Variants in CSMD1 observed in about 807,000 individuals in gnomAD.
The protein encoded by CSMD1 is CUB and sushi domain-containing protein 1.
In CSMD1, 213 loss-of-function variants were observed where a neutral mutation model predicts 417.5. That is an observed-to-expected ratio of 0.51 (90% CI 0.46 to 0.57). The LOEUF (loss-of-function observed/expected upper bound fraction) is 0.57. Ranked by LOEUF, CSMD1 falls within the 20% of genes least tolerant of loss-of-function variation. The probability of loss-of-function intolerance (pLI) is 0.00; values close to 1 mark genes in which losing one functional copy is unlikely to be tolerated. For missense variants in CSMD1, 6,923 were observed against 4,529.7 expected (o/e 1.53, Z -15.17); for synonymous variants, 2,862 against 1,736.8 (o/e 1.65, Z -16.11).
chr8:4,453,883 G>A (rs999093061), intron 2 of CSMD1, among the ~76,000 whole-genome samples: 11 of 136,286 alleles, frequency 8.1e-5, no homozygotes, highest in East Asian at 2.3e-4. Context: ...GTGCACTGGC[G>A]CGACCTCGGC....
At chr8:3,345,288 C>A (rs920935129) in intron 22 of CSMD1, among the ~76,000 whole-genome samples, 3 of 152,082 alleles carry the variant, frequency 2.0e-5, no homozygotes, top group African/African-American at 7.2e-5. Context: ...ATGGTTACAA[C>A]CACTAAAAAT....
At chr8:4,453,880 G>C (rs903469184) in intron 2 of CSMD1, among the ~76,000 whole-genome samples, 1 of 126,870 alleles carries the variant, frequency 7.9e-6, no homozygotes, top group African/African-American at 3.0e-5. Flanking sequence ...GGAGTGCACT[G>C]GCGCGACCTC....
chr8:3,491,028 A>C (rs1286066662), intron 11 of CSMD1, among the ~76,000 whole-genome samples: 2 of 152,212 alleles, frequency 1.3e-5, no homozygotes, highest in African/African-American at 4.8e-5. Flanking sequence ...ATGCCTCTTC[A>C]TCCCCAAATT....
At chr8:3,983,769 G>A (rs1350300786) in intron 5 of CSMD1, among the ~76,000 whole-genome samples, 1 of 152,168 alleles carries the variant, frequency 6.6e-6, no homozygotes, top group Non-Finnish European at 1.5e-5. Context: ...GCTGTCAACT[G>A]CACCTCTAGA....
At chr8:4,186,718 C>T (rs1452433023) in intron 3 of CSMD1, among the ~76,000 whole-genome samples, 4 of 151,766 alleles carry the variant, frequency 2.6e-5, no homozygotes, top group Admixed American at 6.6e-5. Context: ...GGCGTACGGT[C>T]GCTCACACCT....
At chr8:3,860,685 A>G (rs989993405) in intron 5 of CSMD1, among the ~76,000 whole-genome samples, 2 of 152,220 alleles carry the variant, frequency 1.3e-5, no homozygotes, top group African/African-American at 4.8e-5. Context: ...TCTTAAGACC[A>G]CAGAACTTTG....
intron 3 of CSMD1, among the ~76,000 whole-genome samples, chr8:4,071,307 T>C (rs1286289261): frequency 6.6e-6 from 1 of 152,184 alleles, no homozygotes; most frequent in Non-Finnish European, 1.5e-5. Context: ...TATATTCTAC[T>C]GATTAGATAA....
In CSMD1 at chr8:3,363,343, C is replaced by T. The variant is rs118025166; in HGVS notation, c.3115+3689G>A. Among the ~76,000 whole-genome samples, 1,065 of 152,200 alleles carry T rather than the reference C, an allele frequency of 7.0e-3. 7 individuals carry two copies. The highest frequency in any genetic ancestry group is 0.026 in the South Asian group (127 of 4,820). ...TTGAAGGAGACAAATACAGAAAAGT[C>T]ATTATGGGAAAGGAATAATTTTGGT... On this transcript the variant is annotated intron_variant, in intron 20 of 69. Transcript: ENST00000635120.
chr8:3,468,412 T>C (rs111799348), intron 12 of CSMD1, among the ~76,000 whole-genome samples: 2,768 of 152,278 alleles, frequency 0.018, 97 homozygotes, highest in African/African-American at 0.062. Flanking sequence ...CCAGCCAATA[T>C]GATATGGTCA....
At chr8:3,283,276 C>G in intron 26 of CSMD1, among the ~76,000 whole-genome samples, 1 of 152,058 alleles carries the variant, frequency 6.6e-6, no homozygotes. Context: ...AGAGAGACTT[C>G]ATTACATAAA....
intron 5 of CSMD1, among the ~76,000 whole-genome samples, chr8:3,810,618 C>A (rs921771295): frequency 6.6e-6 from 1 of 152,066 alleles, no homozygotes; most frequent in Non-Finnish European, 1.5e-5. Flanking sequence ...ACTGGTGACT[C>A]ATTATTGGGG....
rs187754571 is a variant in CSMD1 at position 4,718,752 on chromosome 8, A to C, written c.86-81194T>G. On this transcript the variant is annotated intron_variant, in intron 1 of 69. Transcript: ENST00000635120. The stretch of plus-strand genomic sequence containing the variant: ...TTTCTATTAAAAAACAACCAATTTT[A>C]TAAAAGAAAATACTCTTTTTAAAGC... Among the ~76,000 whole-genome samples, 602 of 152,200 alleles carry C rather than the reference A, an allele frequency of 4.0e-3. 2 individuals carry two copies. Among genetic ancestry groups the C allele is most frequent in the African/African-American group, 0.014 (586 of 41,578 alleles).
intron 11 of CSMD1, among the ~76,000 whole-genome samples, chr8:3,470,112 T>C (rs1055758805): frequency 6.6e-6 from 1 of 152,194 alleles, no homozygotes; most frequent in African/African-American, 2.4e-5. Flanking sequence ...AGCCTTCTTG[T>C]ACCTTCTCCC....
chr8:4,848,508 G>C (rs536994495), intron 1 of CSMD1, among the ~76,000 whole-genome samples: 6 of 151,960 alleles, frequency 3.9e-5, no homozygotes, highest in Admixed American at 2.0e-4. Context: ...GTCATTAAAA[G>C]TCTAGCACAT....
intron 1 of CSMD1, among the ~76,000 whole-genome samples, chr8:4,889,133 A>G (rs1184394586): frequency 2.0e-5 from 3 of 152,130 alleles, no homozygotes; most frequent in Non-Finnish European, 1.5e-5. Context: ...CACTCACAGT[A>G]TTTTCATTAA....
At chr8:4,166,736 T>C (rs1399594162) in intron 3 of CSMD1, among the ~76,000 whole-genome samples, 2 of 152,250 alleles carry the variant, frequency 1.3e-5, no homozygotes, top group East Asian at 1.9e-4. Context: ...AAACCACCTA[T>C]TGCCCCAAAA....
Position 4,637,583 on chromosome 8 carries a change from A to T in CSMD1, c.86-25T>A, listed in dbSNP as rs1270612608. 3.2e-6 allele frequency: 5 copies of T among 1,542,810 alleles called. No homozygotes were observed. In the African/African-American group the frequency reaches 6.8e-5, roughly 21 times the overall value. On this transcript the variant is annotated intron_variant, in intron 1 of 69. Transcript: ENST00000635120. ...CCTGGAAGAGAAAACACACACAAAA[A>T]AGCATATTATTCTGGCCATCTTTAA...
chr8:3,227,581 T>C (rs973835307), intron 27 of CSMD1, among the ~76,000 whole-genome samples: 1 of 152,066 alleles, frequency 6.6e-6, no homozygotes, highest in Non-Finnish European at 1.5e-5. Flanking sequence ...AAGATCAATA[T>C]TGGTAGATTC....
intron 57 of CSMD1, among the ~76,000 whole-genome samples, chr8:2,970,494 G>C (rs1753971490): frequency 6.6e-6 from 1 of 152,118 alleles, no homozygotes; most frequent in Admixed American, 6.5e-5. Context: ...GGATAGTTCT[G>C]CTTTTAATCA....
Sources: gnomAD v4.1 joint callset for allele counts (sites outside exome capture counted in the v4.1 genomes callset) on GRCh38, gnomAD v4.1.1 for gene constraint, MANE v1.5 for transcripts, NCBI Gene and HGNC (gene_info 2026-07-23, HGNC 2026-07-21) for gene names.